Variants in DLG2 observed in about 807,000 individuals in gnomAD.
DLG2 encodes the protein discs large MAGUK scaffold protein 2.
In DLG2, 45 loss-of-function variants were observed where a neutral mutation model predicts 132.5. That is an observed-to-expected ratio of 0.34 (90% CI 0.27 to 0.44). DLG2 has a LOEUF of 0.44. Among genes scored for constraint, DLG2 ranks in the 20% least tolerant of loss-of-function variants. The pLI, the probability that DLG2 is intolerant of heterozygous loss-of-function variation, is 1.00. For missense variants in DLG2, 1,045 were observed against 1,196.9 expected, an observed-to-expected ratio of 0.87 and a Z score of 1.87; for synonymous variants, 424 against 419.6, an observed-to-expected ratio of 1.01 and a Z score of -0.13.
chr11:84,131,988 C>T (rs2094441618), intron 9 of DLG2, among the ~76,000 whole-genome samples: 1 of 151,432 alleles, frequency 6.6e-6, no homozygotes. Context: ...TGAACACGTA[C>T]ACACACAAAT....
At position 85,024,928 on chromosome 11, in the gene DLG2, T is replaced by C. The variant is rs75178099; in HGVS notation, c.357+86733A>G. Among the ~76,000 whole-genome samples the C allele has an allele frequency of 7.9e-4, 121 of 152,302 alleles. 1 individual carries two copies. In the East Asian group the frequency reaches 0.022, roughly 27 times the overall value. The stretch of plus-strand genomic sequence containing the variant: ...AATCAAACATCAGTAAGTAGATAAA[T>C]AAGGAAAGTTAGAAAGTAGAATATT... On this transcript the variant is annotated intron_variant, in intron 6 of 27. Transcript: ENST00000376104.
intron 5 of DLG2, among the ~76,000 whole-genome samples, chr11:85,142,778 T>C (rs2076583851): frequency 6.6e-6 from 1 of 151,790 alleles, no homozygotes. Flanking sequence ...CGAAGAGATG[T>C]TGAATTTTAT....
chr11:84,365,124 T>G (rs2098674039), intron 7 of DLG2, among the ~76,000 whole-genome samples: 1 of 152,158 alleles, frequency 6.6e-6, no homozygotes, highest in South Asian at 2.1e-4. Flanking sequence ...AGAATTCGGC[T>G]GTGAATCCAT....
intron 6 of DLG2, among the ~76,000 whole-genome samples, chr11:84,642,035 T>C (rs11827055): frequency 0.026 from 2,869 of 109,234 alleles, 93 homozygotes; most frequent in African/African-American, 0.11. Flanking sequence ...CACACACACA[T>C]GCATACGTAT....
At position 83,859,587 on chromosome 11, in the gene DLG2, A is replaced by T. The variant is rs1178807176; in HGVS notation, c.1565+14833T>A. On this transcript the variant is annotated intron_variant, in intron 16 of 27. Coordinates refer to ENST00000376104, the MANE Select transcript of DLG2 (RefSeq NM_001142699.3). Reference sequence around the variant, plus strand: ...GACTTGGGTGCTGTTAAAGGCATTCAGTTTTAAAAGGCAGAGCATAAAAGT... The same window carrying T: ...GACTTGGGTGCTGTTAAAGGCATTCTGTTTTAAAAGGCAGAGCATAAAAGT... 2.6e-5 allele frequency among the ~76,000 whole-genome samples: 4 copies of T among 152,330 alleles called. No individual in the cohort carries two copies. In the East Asian group the frequency reaches 7.7e-4, roughly 29 times the overall value.
chr11:85,424,168 A>G (rs1379951922), intron 3 of DLG2, among the ~76,000 whole-genome samples: 1 of 152,124 alleles, frequency 6.6e-6, no homozygotes, highest in East Asian at 1.9e-4. Context: ...CGTCTCCCAT[A>G]ATCAAGGCCT....
intron 3 of DLG2, among the ~76,000 whole-genome samples, chr11:85,407,142 T>C (rs1033664182): frequency 6.6e-6 from 1 of 151,100 alleles, no homozygotes; most frequent in Non-Finnish European, 1.5e-5. Flanking sequence ...GTCGAAAGAG[T>C]AGTGGAGGTA....
chr11:85,353,797 T>C (rs1027603646), intron 3 of DLG2, among the ~76,000 whole-genome samples: 1 of 151,972 alleles, frequency 6.6e-6, no homozygotes, highest in African/African-American at 2.4e-5. Flanking sequence ...GTGAGAGCAC[T>C]TGGACACAGA....
At chr11:84,204,453 A>G (rs904985554) in intron 8 of DLG2, among the ~76,000 whole-genome samples, 20 of 152,232 alleles carry the variant, frequency 1.3e-4, no homozygotes, top group African/African-American at 4.6e-4. Context: ...AAATTAATAC[A>G]AGAAAAATTT....
Position 85,482,386 on chromosome 11 carries a change from G to T in DLG2, c.40+116271C>A, listed in dbSNP as rs187830064. 1.4e-3 allele frequency among the ~76,000 whole-genome samples: 210 copies of T among 152,276 alleles called. 1 individual carries two copies. The highest frequency in any genetic ancestry group is 2.5e-3 in the South Asian group (12 of 4,826). ...TCCAGGCCTTCCCAGTGCAAGGCCA[G>T]TCCCCATGGTCCCATGCTCAAGGCC... On this transcript the variant is annotated intron_variant, in intron 3 of 27. Coordinates refer to ENST00000376104, the MANE Select transcript of DLG2 (RefSeq NM_001142699.3).
chr11:84,803,092 C>T (rs942946720), intron 6 of DLG2, among the ~76,000 whole-genome samples: 2 of 152,198 alleles, frequency 1.3e-5, no homozygotes, highest in Admixed American at 1.3e-4. Context: ...AGCCACAGCG[C>T]CCGGCCCTTT....
At chr11:83,683,907 C>T (rs553177871) in intron 18 of DLG2, among the ~76,000 whole-genome samples, 242 of 152,214 alleles carry the variant, frequency 1.6e-3, no homozygotes, top group Non-Finnish European at 2.9e-3. Context: ...GGGCTCTGTG[C>T]TGGGCTGCTG....
At chr11:84,829,747 C>T (rs2078785154) in intron 6 of DLG2, among the ~76,000 whole-genome samples, 1 of 151,562 alleles carries the variant, frequency 6.6e-6, no homozygotes, top group Admixed American at 6.6e-5. Flanking sequence ...ATAAAGCCTT[C>T]AATAAGTGCT....
chr11:85,070,793 G>A (rs986483334), intron 6 of DLG2, among the ~76,000 whole-genome samples: 1 of 151,748 alleles, frequency 6.6e-6, no homozygotes, highest in African/African-American at 2.4e-5. Flanking sequence ...TCTAGCCCAA[G>A]CCATCTTCTT....
chr11:84,033,718 A>C (rs1382366779), intron 11 of DLG2, among the ~76,000 whole-genome samples: 1 of 152,152 alleles, frequency 6.6e-6, no homozygotes, highest in East Asian at 1.9e-4. Context: ...ATTACTGTGG[A>C]AAACTTCAGT....
rs371411229 is a variant in DLG2, at chr11:84,376,611, G to A, written c.520-125320C>T. Among the ~76,000 whole-genome samples, 4 of 151,894 alleles carry A rather than the reference G, an allele frequency of 2.6e-5. No homozygotes were observed. In the East Asian group the frequency reaches 7.7e-4, roughly 29 times the overall value. On this transcript the variant is annotated intron_variant, in intron 7 of 27. Coordinates refer to ENST00000376104, the MANE Select transcript of DLG2 (RefSeq NM_001142699.3). ...AAATACGAAACCCAAGTATAGTGAT[G>A]TGGTTAGTATTCTTGATTTTTATTT...
At chr11:85,337,139 G>A (rs2082188503) in intron 3 of DLG2, among the ~76,000 whole-genome samples, 1 of 152,322 alleles carries the variant, frequency 6.6e-6, no homozygotes, top group Admixed American at 6.5e-5. Flanking sequence ...AATAATATGT[G>A]AGCCTAAACT....
chr11:84,534,547 G>C (rs550794037), intron 7 of DLG2, 23 bp downstream of exon 7: 8 of 1,609,364 alleles, frequency 5.0e-6, no homozygotes, highest in Non-Finnish European at 8.5e-7. Context: ...CAACTATAAA[G>C]TCGGAAGAGC....
At chr11:83,470,075 T>C (rs113043103) in intron 24 of DLG2, among the ~76,000 whole-genome samples, 1 of 152,088 alleles carries the variant, frequency 6.6e-6, no homozygotes, top group African/African-American at 2.4e-5. Context: ...CCTAGAAATA[T>C]GTTTTTAAAA....
Sources: gnomAD v4.1 joint callset for allele counts (sites outside exome capture counted in the v4.1 genomes callset) on GRCh38, gnomAD v4.1.1 for gene constraint, MANE v1.5 for transcripts, NCBI Gene and HGNC (gene_info 2026-07-23, HGNC 2026-07-21) for gene names.